The following MYO16 variants were observed in gnomAD, a reference collection of about 807,000 sequenced individuals.
MYO16 encodes unconventional myosin-XVI.
Under a neutral mutation model 205.3 loss-of-function variants are expected in MYO16, and 94 were observed. The ratio of observed to expected loss-of-function variants is 0.46; its 90% confidence interval spans 0.39 to 0.54. The LOEUF is 0.54. MYO16 is among the 20% of genes least tolerant of loss of function. MYO16 has a pLI of 0.00. For synonymous variants in MYO16, 988 were observed against 954.0 expected, an observed-to-expected ratio of 1.04 and a Z score of -0.66; for missense variants, 2,315 against 2,387.5, an observed-to-expected ratio of 0.97 and a Z score of 0.63.
chr13:108,762,615 G>C (rs376348275), intron 4 of MYO16, among the ~76,000 whole-genome samples: 2 of 152,034 alleles, frequency 1.3e-5, no homozygotes, highest in East Asian at 1.9e-4. Flanking sequence ...AAAATATCTC[G>C]AAGGTGGCAT....
intron 27 of MYO16, among the ~76,000 whole-genome samples, chr13:109,069,047 T>G (rs866514660): frequency 6.6e-6 from 1 of 152,312 alleles, no homozygotes; most frequent in Middle Eastern, 3.4e-3. Context: ...ATGTAGTTCA[T>G]CAGGGATCCT....
the MYO16 span, among the ~76,000 whole-genome samples, chr13:108,571,341 C>A: frequency 6.6e-6 from 1 of 151,178 alleles, no homozygotes; most frequent in Non-Finnish European, 1.5e-5. Context: ...ATTTGTGAAC[C>A]TTTGAGAATA....
the MYO16 span, among the ~76,000 whole-genome samples, chr13:108,531,722 G>T: frequency 1.3e-5 from 2 of 151,836 alleles, no homozygotes; most frequent in African/African-American, 4.8e-5. Context: ...CACAGGGCCT[G>T]TAAATAAAAT....
At chr13:108,615,836 G>T (rs576362420) in intron 1 of MYO16, among the ~76,000 whole-genome samples, 2 of 152,200 alleles carry the variant, frequency 1.3e-5, no homozygotes, top group African/African-American at 4.8e-5. Context: ...ATCTACAACT[G>T]TCTACCTCCA....
chr13:109,154,005 G>A (rs940238974), intron 32 of MYO16, among the ~76,000 whole-genome samples: 5 of 152,174 alleles, frequency 3.3e-5, no homozygotes, highest in Non-Finnish European at 7.3e-5. Context: ...ACGTGAGCAC[G>A]TAAAGAATTA....
chr13:108,667,320 GTTTT>G (rs770988720), intron 2 of MYO16, among the ~76,000 whole-genome samples: 4 of 128,538 alleles, frequency 3.1e-5, no homozygotes, highest in African/African-American at 8.6e-5. Context: ...TTTCTGTTTT[GTTTT>G]TTTTTTTTTT....
chr13:108,814,101 T>A (rs915510814), intron 7 of MYO16, among the ~76,000 whole-genome samples: 3 of 152,172 alleles, frequency 2.0e-5, no homozygotes, highest in Admixed American at 1.3e-4. Flanking sequence ...CATTTACTTT[T>A]ATGATTTAAA....
intron 6 of MYO16, among the ~76,000 whole-genome samples, chr13:108,804,812 G>A (rs534554724): frequency 1.3e-5 from 2 of 152,306 alleles, no homozygotes; most frequent in African/African-American, 4.8e-5. Flanking sequence ...TTTGGATAGA[G>A]TCTCTAGTGA....
chr13:108,567,957 C>A, the MYO16 span, among the ~76,000 whole-genome samples: 26 of 152,116 alleles, frequency 1.7e-4, no homozygotes, highest in African/African-American at 6.0e-4. Flanking sequence ...TAGAATTATA[C>A]ATGTGTGTCC....
At position 109,162,138 on chromosome 13, in the gene MYO16, A is replaced by G. The variant is rs139699753; in HGVS notation, c.5165-2763A>G. ...GTCTTGGCTATAGTTTAACCTGCCA[A>G]TTGAAAAATAGAAATACGTTTAAAC... is the stretch of plus-strand genomic sequence containing the variant. On this transcript the variant is annotated intron_variant, in intron 32 of 34. Transcript: ENST00000457511. This position sits in a 1 kb window ranked among gnomAD's most constrained non-coding sequence, Gnocchi z 4.6. 9.2e-5 allele frequency among the ~76,000 whole-genome samples: 14 copies of G among 152,360 alleles called. No homozygotes were observed. Among genetic ancestry groups the G allele is most frequent in the Middle Eastern group, 3.4e-3 (1 of 294 alleles).
At chr13:109,136,171 G>A (rs144740883) in intron 31 of MYO16, among the ~76,000 whole-genome samples, 292 of 151,668 alleles carry the variant, frequency 1.9e-3, no homozygotes, top group Middle Eastern at 0.014. Context: ...TTGGTTCTCC[G>A]CAACCTCCAC....
chr13:108,975,665 G>C (rs898170383), intron 20 of MYO16, among the ~76,000 whole-genome samples: 1 of 151,980 alleles, frequency 6.6e-6, no homozygotes, highest in Non-Finnish European at 1.5e-5. Context: ...TTACATGAAG[G>C]CTTGCCATTA....
intron 27 of MYO16, among the ~76,000 whole-genome samples, chr13:109,075,596 G>A (rs574309535): frequency 1.1e-4 from 17 of 151,984 alleles, no homozygotes; most frequent in African/African-American, 3.1e-4. Flanking sequence ...GGCTGGTCTC[G>A]AACTCCTGAC....
intron 4 of MYO16, among the ~76,000 whole-genome samples, chr13:108,751,977 G>A (rs533318976): frequency 1.3e-5 from 2 of 152,180 alleles, no homozygotes; most frequent in South Asian, 4.2e-4. Context: ...AAACCTAGAG[G>A]GATTTGCATG....
At position 108,886,323 on chromosome 13, in the gene MYO16, G is replaced by C. The variant is rs75869037; in HGVS notation, c.1554-2049G>C. ...CATTTTTTAAAGTTAATGATTCCCT[G>C]TACCAACCCCTTATTTTGAAAAAAT... On this transcript the variant is annotated intron_variant, in intron 13 of 34. Coordinates refer to ENST00000457511, the MANE Select transcript of MYO16 (RefSeq NM_001198950.3). The C allele has an allele frequency of 2.2e-4, 99 of 446,504 alleles. No individual in the cohort carries two copies. The East Asian group carries it at 6.7e-3, about 30-fold the overall frequency. The allele number at this position is 446,504 out of a possible 1,614,324, so 27.7% of individuals were successfully genotyped here.
intron 4 of MYO16, among the ~76,000 whole-genome samples, chr13:108,767,842 T>C (rs1287533286): frequency 6.6e-6 from 1 of 152,176 alleles, no homozygotes; most frequent in Non-Finnish European, 1.5e-5. Context: ...GTTTGATATA[T>C]TGGTTCATGA....
intron 29 of MYO16, among the ~76,000 whole-genome samples, chr13:109,122,335 T>C (rs1876028823): frequency 6.6e-6 from 1 of 150,584 alleles, no homozygotes. Context: ...ACAGAAAAAA[T>C]GAACAGAACT....
In MYO16 at chr13:108,726,516, G is replaced by A. The variant is rs548166891; in HGVS notation, c.364-924G>A. Among the ~76,000 whole-genome samples, 239 of 150,558 alleles carry A rather than the reference G, an allele frequency of 1.6e-3. 5 individuals are homozygous for A. In the Middle Eastern group the frequency reaches 0.02, roughly 13 times the overall value. ...GGAGGTTGCAGTGAGCTGAGATCGC[G>A]CCACTGCACTCCATTCTGGTGACAA... On this transcript the variant is annotated intron_variant, in intron 3 of 34. Coordinates refer to ENST00000457511, the MANE Select transcript of MYO16 (RefSeq NM_001198950.3).
At chr13:109,072,602 C>T (rs1887958594) in intron 27 of MYO16, among the ~76,000 whole-genome samples, 1 of 151,138 alleles carries the variant, frequency 6.6e-6, no homozygotes, top group Admixed American at 6.6e-5. Flanking sequence ...CACACACACA[C>T]TCACACACTC....
Sources: gnomAD v4.1 joint callset for allele counts (sites outside exome capture counted in the v4.1 genomes callset) on GRCh38, gnomAD v4.1.1 for gene constraint, Gnocchi (gnomAD v3.1) non-coding constraint, MANE v1.5 for transcripts, NCBI Gene and HGNC (gene_info 2026-07-23, HGNC 2026-07-21) for gene names.